Variants in NCOR2 observed in about 807,000 individuals in gnomAD.
NCOR2 encodes the protein nuclear receptor corepressor 2, also known as CTG repeat protein 26.
Under a neutral mutation model 262.9 loss-of-function variants are expected in NCOR2, and 81 were observed. That is an observed-to-expected ratio of 0.31 (90% CI 0.26 to 0.37). The LOEUF (loss-of-function observed/expected upper bound fraction) is 0.37. Ranked by LOEUF, NCOR2 falls within the 10% of genes least tolerant of loss-of-function variation. The probability of loss-of-function intolerance (pLI) is 1.00; values close to 1 mark genes in which losing one functional copy is unlikely to be tolerated. For missense variants in NCOR2, 3,385 were observed against 3,621.4 expected, an observed-to-expected ratio of 0.93 and a Z score of 1.68; for synonymous variants, 1,659 against 1,559.3, an observed-to-expected ratio of 1.06 and a Z score of -1.51.
At chr12:124,433,124 TC>T (rs1231322439) in intron 8 of NCOR2, among the ~76,000 whole-genome samples, 2 of 152,134 alleles carry the variant, frequency 1.3e-5, no homozygotes, top group African/African-American at 4.8e-5. Flanking sequence ...ACCATGACGG[TC>T]CCCACGAGGT....
chr12:124,421,007 G>C (rs1370814648), intron 12 of NCOR2, among the ~76,000 whole-genome samples: 1 of 152,266 alleles, frequency 6.6e-6, no homozygotes, highest in African/African-American at 2.4e-5. Flanking sequence ...ATAATCAGAT[G>C]CCAATATTTG....
chr12:124,352,876 G>A (rs1197711206), intron 27 of NCOR2, among the ~76,000 whole-genome samples: 1 of 152,204 alleles, frequency 6.6e-6, no homozygotes. Context: ...CTCCCAAGAT[G>A]GGCAGGAAGT....
At chr12:124,327,892 C>T (rs1317113952) in intron 44 of NCOR2, among the ~76,000 whole-genome samples, 1 of 152,060 alleles carries the variant, frequency 6.6e-6, no homozygotes, top group East Asian at 1.9e-4. Flanking sequence ...CTCTTGGGCA[C>T]TGCCAGGGAG....
chr12:124,346,500 A>C, intron 31 of NCOR2, 64 bp downstream of exon 33: 1 of 1,416,692 alleles, frequency 7.1e-7, no homozygotes, highest in African/African-American at 1.5e-5. Context: ...GGCCCAGGGC[A>C]GTGCCCCACA....
At chr12:124,344,846 G>C in exon 32 of NCOR2, 1 of 1,567,842 alleles carries the variant, frequency 6.4e-7, no homozygotes, top group Non-Finnish European at 8.6e-7. Context: ...ACATCCAGCG[G>C]GTGCACGGGT....
intron 30 of NCOR2, among the ~76,000 whole-genome samples, chr12:124,347,121 C>T (rs1410615861): frequency 6.6e-6 from 1 of 152,218 alleles, no homozygotes; most frequent in East Asian, 1.9e-4. Flanking sequence ...GTAATCCCAA[C>T]ACTCTGGGGG....
intron 26 of NCOR2, 68 bp from the exon 29 acceptor site, chr12:124,354,264 A>G: frequency 6.9e-7 from 1 of 1,454,542 alleles, no homozygotes; most frequent in South Asian, 1.2e-5. Context: ...CCCAGTCCTG[A>G]GAGCCACCCT....
chr12:124,433,943 C>T (rs2044181151), intron 8 of NCOR2, among the ~76,000 whole-genome samples: 2 of 150,846 alleles, frequency 1.3e-5, no homozygotes, highest in Non-Finnish European at 3.0e-5. Context: ...CCCCCTCCCG[C>T]CCCCCACCCC....
chr12:124,460,870 T>C (rs1039997091), intron 5 of NCOR2, among the ~76,000 whole-genome samples: 10 of 152,162 alleles, frequency 6.6e-5, no homozygotes, highest in Non-Finnish European at 1.3e-4. Flanking sequence ...GGGGGCCACC[T>C]CCCGACACTG....
chr12:124,503,275 CCA>C lies in NCOR2; in HGVS notation c.-117-7909_-117-7908del, dbSNP rs1235308185. 3.3e-5 allele frequency among the ~76,000 whole-genome samples: 5 copies of C among 152,240 alleles called. No individual in the cohort carries two copies. Among genetic ancestry groups the C allele is most frequent in the Non-Finnish European group, 7.3e-5 (5 of 68,044 alleles). The stretch of plus-strand genomic sequence containing the variant: ...AGGCCCTGCTGACCACGGCCCACAC[CCA>C]GTGACAGGTCTGGCCCAACTGGCAG... On this transcript the variant is annotated intron_variant, in intron 1 of 46. Transcript: ENST00000404621. The surrounding 1 kb of genome is among the most constrained non-coding windows in gnomAD (Gnocchi z 4.3).
At chr12:124,550,347 G>A (rs570486575) in intron 1 of NCOR2, among the ~76,000 whole-genome samples, 24 of 151,752 alleles carry the variant, frequency 1.6e-4, no homozygotes, top group Non-Finnish European at 2.8e-4. Flanking sequence ...AGGCAGAGGC[G>A]GGACCTGAAC....
chr12:124,445,399 C>G (rs1037956913), intron 7 of NCOR2, among the ~76,000 whole-genome samples: 2 of 152,218 alleles, frequency 1.3e-5, no homozygotes, highest in Non-Finnish European at 2.9e-5. Flanking sequence ...GCGCCCGAAG[C>G]AGGTGGCGGT....
intron 18 of NCOR2, among the ~76,000 whole-genome samples, chr12:124,374,852 G>T (rs2039867736): frequency 6.6e-6 from 1 of 152,240 alleles, no homozygotes; most frequent in Admixed American, 6.5e-5. Flanking sequence ...GATGGGCAAG[G>T]TTGCAGGGAG....
rs1049887220 is a variant in NCOR2, at chr12:124,440,561, T to C, written c.816-2565A>G. ...ATCTGAAATCTATGGCATCGCAGCC[T>C]CATCTTCTGTTATTCAATAACTGTT... On this transcript the variant is annotated intron_variant, in intron 7 of 46. Coordinates refer to ENST00000405201, the Ensembl canonical transcript of NCOR2. The surrounding 1 kb of genome is among the most constrained non-coding windows in gnomAD (Gnocchi z 5.7). 3.0e-4 allele frequency among the ~76,000 whole-genome samples: 45 copies of C among 152,364 alleles called. No individual in the cohort carries two copies. The highest frequency in any genetic ancestry group is 1.2e-4 in the Non-Finnish European group (8 of 68,040).
chr12:124,527,365 G>A (rs1814265852), intron 1 of NCOR2, among the ~76,000 whole-genome samples: 1 of 152,178 alleles, frequency 6.6e-6, no homozygotes, highest in Admixed American at 6.5e-5. Flanking sequence ...ATGTAAAGAG[G>A]GGATGATGAT....
At chr12:124,496,809 A>T (rs891319773), upstream of NCOR2, among the ~76,000 whole-genome samples, 1 of 151,356 alleles carries the variant, frequency 6.6e-6, no homozygotes, top group Non-Finnish European at 1.5e-5. This position sits in a 1 kb window ranked among gnomAD's most constrained non-coding sequence, Gnocchi z 4.4. Context: ...TGGGCCAGTG[A>T]CTGTCTCAAG....
intron 1 of NCOR2, among the ~76,000 whole-genome samples, chr12:124,530,760 ACTC>A (rs2050732395): frequency 1.3e-5 from 2 of 152,048 alleles, no homozygotes; most frequent in South Asian, 4.2e-4. Context: ...GAAATACCAC[ACTC>A]CTCAGAAAAC....
At chr12:124,530,736 C>T (rs1040786922) in intron 1 of NCOR2, among the ~76,000 whole-genome samples, 1 of 152,148 alleles carries the variant, frequency 6.6e-6, no homozygotes, top group Non-Finnish European at 1.5e-5. Context: ...TCCCCCTCTA[C>T]AAAAGCAAGG....
At position 124,519,099 on chromosome 12, in the gene NCOR2, C is replaced by CAT. The variant is rs1376335084; in HGVS notation, c.-118+16465_-118+16466insAT. Among the ~76,000 whole-genome samples, 839 of 145,514 alleles carry CAT rather than the reference C, an allele frequency of 5.8e-3. 8 individuals carry two copies. The highest frequency in any genetic ancestry group is 0.011 in the African/African-American group (437 of 39,100). On this transcript the variant is annotated intron_variant, in intron 1 of 46. Transcript: ENST00000404621. ...GACGTGGCCAAATAATACACACACA[C>CAT]ACACACACACACACACACACACACA... is the stretch of plus-strand genomic sequence containing the variant.
Sources: allele counts gnomAD v4.1 joint callset (sites outside exome capture counted in the v4.1 genomes callset), GRCh38; gene constraint gnomAD v4.1.1; non-coding constraint Gnocchi (gnomAD v3.1); transcripts MANE v1.5; gene names NCBI Gene and HGNC (gene_info 2026-07-23, HGNC 2026-07-21).